EML6: variants seen among roughly 807,000 people sequenced by gnomAD.
The protein encoded by EML6 is EMAP like 6.
In EML6, 154 loss-of-function variants were observed where a neutral mutation model predicts 240.1. That is an observed-to-expected ratio of 0.64 (90% CI 0.56 to 0.73). The LOEUF is 0.73. Among genes scored for constraint, EML6 ranks in the 30% least tolerant of loss-of-function variants. EML6 has a pLI of 0.00. For synonymous variants in EML6, 1,148 were observed against 899.0 expected, an observed-to-expected ratio of 1.28 and a Z score of -4.95; for missense variants, 2,964 against 2,474.6, an observed-to-expected ratio of 1.20 and a Z score of -4.20.
rs111237264 is a variant in EML6, at chr2:54,943,918, A to T, written c.4005-4964A>T. 4.2e-3 allele frequency among the ~76,000 whole-genome samples: 643 copies of T among 152,352 alleles called. 5 individuals are homozygous for T. Among genetic ancestry groups the T allele is most frequent in the African/African-American group, 0.015 (629 of 41,578 alleles). ...TTGAAAGCCACATGTGGCATTGGCT[A>T]CTGAATTGGACAGTGCGTGTTAGAG... On this transcript the variant is annotated intron_variant, in intron 28 of 41. Coordinates refer to ENST00000356458, the MANE Select transcript of EML6 (RefSeq NM_001039753.4).
chr2:54,920,196 T>A (rs1432016882), intron 26 of EML6, among the ~76,000 whole-genome samples: 3 of 151,912 alleles, frequency 2.0e-5, no homozygotes, highest in Non-Finnish European at 4.4e-5. Flanking sequence ...ATAAATAAAA[T>A]AGAGACTATA....
chr2:54,734,624 C>T (rs975800754), intron 2 of EML6, among the ~76,000 whole-genome samples: 3 of 152,102 alleles, frequency 2.0e-5, no homozygotes, highest in Non-Finnish European at 4.4e-5. Context: ...CAGGAGGCTT[C>T]CTGGGGCTGG....
At chr2:54,731,496 C>G (rs960954975) in intron 2 of EML6, among the ~76,000 whole-genome samples, 8 of 152,030 alleles carry the variant, frequency 5.3e-5, no homozygotes, top group Non-Finnish European at 1.0e-4. Context: ...AAAAATTTAG[C>G]CAGGCATGGT....
intron 17 of EML6, among the ~76,000 whole-genome samples, chr2:54,884,032 G>A (rs1671985776): frequency 6.6e-6 from 1 of 152,142 alleles, no homozygotes; most frequent in Admixed American, 6.5e-5. Flanking sequence ...CTCCCCACCA[G>A]CAAGCAAACA....
chr2:54,732,291 T>G (rs1308840606), intron 2 of EML6, among the ~76,000 whole-genome samples: 1 of 152,156 alleles, frequency 6.6e-6, no homozygotes, highest in Non-Finnish European at 1.5e-5. Flanking sequence ...GTACAAAAGT[T>G]TTTCATTTTG....
Position 54,895,383 on chromosome 2 carries a change from A to C in EML6, c.2965A>C (p.Met989Leu). The change falls in exon 21 of 42, where the codon ATG (methionine) becomes CTG (leucine). Residue 989 changes from methionine (M) to leucine (L), a missense_variant. Coordinates refer to ENST00000356458, the MANE Select transcript of EML6 (RefSeq NM_001039753.4). ...TCTGGAAATTGATAAGAGTGGCCCA[A>C]TGACACTGCTTGTTCAGGTACTGTT... ...EILEIDKSGP[M>L]TLLVQGHMEG... The C allele has an allele frequency of 1.3e-6, 2 of 1,551,988 alleles. No homozygotes were observed. Among genetic ancestry groups the C allele is most frequent in the South Asian group, 2.4e-5 (2 of 84,052 alleles).
At chr2:54,890,016 CA>C (rs1237923174) in intron 17 of EML6, among the ~76,000 whole-genome samples, 3 of 152,172 alleles carry the variant, frequency 2.0e-5, no homozygotes, top group African/African-American at 7.2e-5. Flanking sequence ...CAGGGAAATA[CA>C]AATGTCTAAA....
intron 25 of EML6, among the ~76,000 whole-genome samples, chr2:54,913,670 CACTT>C (rs1673759442): frequency 6.6e-6 from 1 of 152,158 alleles, no homozygotes; most frequent in Non-Finnish European, 1.5e-5. Flanking sequence ...CATCAAGTCT[CACTT>C]GTCAATTTTT....
intron 22 of EML6, among the ~76,000 whole-genome samples, chr2:54,900,452 G>A (rs1672997423): frequency 6.6e-6 from 1 of 152,160 alleles, no homozygotes; most frequent in Non-Finnish European, 1.5e-5. Flanking sequence ...AAATGACCAG[G>A]GATAGTGCAG....
rs1266500052 is a variant in EML6, at chr2:54,844,137, G to A, written c.938G>A (p.Arg313Gln). Residue 313 changes from arginine to glutamine, a missense_variant, in exon 8 of 42, where the codon CGA (arginine) becomes CAA (glutamine). Transcript: ENST00000356458. ...ATATTTGAAGTGATTGTGCGAGAGC[G>A]AGACAAGCCGATGTTGATCCTACAG... Reference protein sequence around the residue: ...SEIFEVIVRERDKPMLILQGH... With the variant: ...SEIFEVIVREQDKPMLILQGH... 1.1e-5 allele frequency: 17 copies of A among 1,551,588 alleles called. No individual in the cohort carries two copies. Among genetic ancestry groups the A allele is most frequent in the East Asian group, 2.4e-5 (1 of 40,924 alleles).
intron 2 of EML6, among the ~76,000 whole-genome samples, chr2:54,749,607 G>A (rs1435712097): frequency 1.3e-5 from 2 of 151,920 alleles, no homozygotes; most frequent in East Asian, 3.8e-4. Context: ...TACTGGGCAC[G>A]CTGAGCATTT....
Position 54,844,220 on chromosome 2 carries a change from G to T in EML6, c.1021G>T (p.Val341Leu). ...LALHPKKPLA[V>L]TGSDDRSVRL... ...CCTGCACCCCAAGAAGCCTCTGGCTGTGACAGGCAGCGATGACCGCTCTGT... is the reference window on the plus strand; with the variant it reads ...CCTGCACCCCAAGAAGCCTCTGGCTTTGACAGGCAGCGATGACCGCTCTGT... Residue 341 changes from valine (V) to leucine (L), a missense_variant, in exon 8 of 42, where the codon GTG (valine) becomes TTG (leucine). Physicochemically the swap from Val to Leu is conservative, Grantham distance 32 (BLOSUM62 1). Coordinates refer to ENST00000356458, the MANE Select transcript of EML6 (RefSeq NM_001039753.4). 6.4e-7 allele frequency: 1 copy of T among 1,551,714 alleles called. No individual in the cohort carries two copies. Among genetic ancestry groups the T allele is most frequent in the Non-Finnish European group, 8.7e-7 (1 of 1,146,982 alleles).
At chr2:54,824,462 C>G (rs1668491929) in intron 5 of EML6, among the ~76,000 whole-genome samples, 1 of 152,118 alleles carries the variant, frequency 6.6e-6, no homozygotes. Flanking sequence ...ACCAGGATTT[C>G]TCCACTTTTT....
intron 32 of EML6, among the ~76,000 whole-genome samples, chr2:54,957,515 T>C (rs1224544962): frequency 6.6e-6 from 1 of 152,118 alleles, no homozygotes; most frequent in Non-Finnish European, 1.5e-5. Flanking sequence ...CCTTCTCATA[T>C]CTGGAAGCTT....
In EML6 at chr2:54,863,479, C is replaced by T. The variant is rs565114338; in HGVS notation, c.1826-304C>T. Among the ~76,000 whole-genome samples, 14 of 152,150 alleles carry T rather than the reference C, an allele frequency of 9.2e-5. No homozygotes were observed. The South Asian group carries it at 2.7e-3, about 29-fold the overall frequency. On this transcript the variant is annotated intron_variant, in intron 12 of 41. Transcript: ENST00000356458. ...GAGGTTGTAGTGAGCTGAGATTGTG[C>T]CACTGCGTTCCAGCCTAGGAGACAG...
rs1046197717 is a variant in EML6 at position 54,850,004 on chromosome 2, C to A, written c.1230C>A (p.Val410=). The part of the protein sequence containing the change: ...EVVHIKDRKE[V]IHEMKFSPDG... The stretch of plus-strand genomic sequence containing the variant: ...TTCACATCAAAGATCGAAAAGAAGT[C>A]ATTCATGAAATGAAATTTTCTCCAG... The change falls in exon 10 of 42, where the codon GTC becomes GTA. Residue 410 remains valine (V), a synonymous_variant. Coordinates refer to ENST00000356458, the MANE Select transcript of EML6 (RefSeq NM_001039753.4). 1 of 1,551,392 alleles carries A rather than the reference C, an allele frequency of 6.4e-7. No homozygotes were observed. Among genetic ancestry groups the A allele is most frequent in the Non-Finnish European group, 8.7e-7 (1 of 1,146,692 alleles).
At chr2:54,766,181 C>T (rs1668182591) in intron 2 of EML6, among the ~76,000 whole-genome samples, 1 of 152,168 alleles carries the variant, frequency 6.6e-6, no homozygotes. Context: ...TTTTGTGTAA[C>T]CACAGTATAG....
chr2:54,911,861 C>A (rs575505817), intron 25 of EML6, among the ~76,000 whole-genome samples: 1 of 152,174 alleles, frequency 6.6e-6, no homozygotes, highest in Non-Finnish European at 1.5e-5. Flanking sequence ...TTGCTGAAAT[C>A]AAAGCCTAGA....
intron 7 of EML6, among the ~76,000 whole-genome samples, chr2:54,843,037 G>C (rs1558601599): frequency 2.0e-5 from 3 of 152,126 alleles, no homozygotes; most frequent in Non-Finnish European, 4.4e-5. Context: ...TGTTTAATAT[G>C]ATCATCAGCT....
Sources: gnomAD v4.1 joint callset for allele counts (sites outside exome capture counted in the v4.1 genomes callset) on GRCh38, gnomAD v4.1.1 for gene constraint, MANE v1.5 for transcripts, NCBI Gene and HGNC (gene_info 2026-07-23, HGNC 2026-07-21) for gene names.